FERMT2: variants seen among roughly 807,000 people sequenced by gnomAD.
FERMT2 encodes the protein fermitin family homolog 2.
Under a neutral mutation model 82.7 loss-of-function variants are expected in FERMT2, and 15 were observed. The observed-to-expected ratio is 0.18, with a 90% CI of 0.12 to 0.28. FERMT2 has a LOEUF of 0.28. Among genes scored for constraint, FERMT2 ranks in the 10% least tolerant of loss-of-function variants. The pLI is 1.00. For synonymous variants in FERMT2, 274 were observed against 271.5 expected (o/e 1.01, Z -0.09); for missense variants, 645 against 809.4 (o/e 0.80, Z 2.46).
intron 3 of FERMT2, among the ~76,000 whole-genome samples, chr14:52,902,291 G>A (rs1202863241): frequency 6.6e-6 from 1 of 152,046 alleles, no homozygotes; most frequent in African/African-American, 2.4e-5. Flanking sequence ...TACTCAGGAG[G>A]CTGAGGCAGG....
At chr14:52,860,508 T>C in intron 12 of FERMT2, 43 bp from the exon 13 acceptor site, 1 of 1,561,828 alleles carries the variant, frequency 6.4e-7, no homozygotes, top group South Asian at 1.2e-5. Flanking sequence ...AACATTATTC[T>C]CTCATGGGAG....
At chr14:52,923,889 G>C (rs1015516431) in intron 2 of FERMT2, among the ~76,000 whole-genome samples, 1 of 152,132 alleles carries the variant, frequency 6.6e-6, no homozygotes, top group Non-Finnish European at 1.5e-5. Flanking sequence ...CAGAAAAGTA[G>C]GTGTTCTGAC....
At chr14:52,890,608 CTT>C (rs78933730) in intron 4 of FERMT2, among the ~76,000 whole-genome samples, 8 of 140,454 alleles carry the variant, frequency 5.7e-5, no homozygotes, top group Admixed American at 4.3e-4. Flanking sequence ...CTTTTATCCT[CTT>C]TTTTTTTTTT....
At chr14:52,869,592 C>T (rs1262139661) in intron 10 of FERMT2, among the ~76,000 whole-genome samples, 1 of 152,138 alleles carries the variant, frequency 6.6e-6, no homozygotes, top group Non-Finnish European at 1.5e-5. Flanking sequence ...ACCTATTCTG[C>T]TGCCAGTAAT....
chr14:52,858,511 T>G lies in FERMT2; in HGVS notation c.1909A>C (p.Ile637Leu). 1 of 1,614,160 alleles carries G rather than the reference T, an allele frequency of 6.2e-7. No individual in the cohort carries two copies. The highest frequency in any genetic ancestry group is 8.5e-7 in the Non-Finnish European group (1 of 1,180,006). The change falls in exon 15 of 15, where the codon ATT becomes CTT. Residue 637 changes from isoleucine (I) to leucine (L), a missense_variant. Physicochemically the swap from Ile to Leu is conservative, Grantham distance 5. Transcript: ENST00000341590. ...EFADEVRLSF[I>L]CTEVDCKVVH... Reference sequence around the variant, plus strand: ...ACTTTGCAATCTACTTCAGTACAAATGAAGGACAATCGTACTTCATCTGCA... The same window carrying G: ...ACTTTGCAATCTACTTCAGTACAAAGGAAGGACAATCGTACTTCATCTGCA...
chr14:52,949,821 C>T (rs1293710133), intron 2 of FERMT2, among the ~76,000 whole-genome samples: 1 of 152,224 alleles, frequency 6.6e-6, no homozygotes, highest in Non-Finnish European at 1.5e-5. Flanking sequence ...AAACGGCTTA[C>T]ATCGAGCATG....
rs1360742544 is a variant in FERMT2 at position 52,906,613 on chromosome 14, T to C, written c.391+12510A>G. ...GTAATAGCTATATAAAAATACTCCA[T>C]ATGTTTAAGAAACTAGAGGAAAACA... On this transcript the variant is annotated intron_variant, in intron 3 of 14. Transcript: ENST00000341590. Among the ~76,000 whole-genome samples the C allele has an allele frequency of 3.3e-5, 5 of 152,036 alleles. No individual in the cohort carries two copies. In the South Asian group the frequency reaches 8.3e-4, roughly 25 times the overall value.
Position 52,864,468 on chromosome 14 carries a change from A to T in FERMT2, c.1535T>A (p.Ile512Asn). Residue 512 changes from isoleucine to asparagine, a missense_variant, in exon 12 of 15, where the codon ATC (isoleucine) becomes AAC (asparagine). By Grantham distance (149) the Ile-to-Asn change is moderately radical. Transcript: ENST00000341590. ...ACATTCAGGAGTTATATCAGTCGTG[A>T]TCTGCTCTGGTATTAACTGAGGATC... ...NPDPQLIPEQ[I>N]TTDITPECLV... The T allele has an allele frequency of 6.2e-7, 1 of 1,614,172 alleles. No individual in the cohort carries two copies. Among genetic ancestry groups the T allele is most frequent in the Non-Finnish European group, 8.5e-7 (1 of 1,179,984 alleles).
At chr14:52,920,033 A>G (rs1482191513) in intron 2 of FERMT2, among the ~76,000 whole-genome samples, 3 of 152,252 alleles carry the variant, frequency 2.0e-5, no homozygotes, top group African/African-American at 7.2e-5. Context: ...CAAGTATAAC[A>G]GGAAACATTA....
rs1049383684 is a variant in FERMT2 at position 52,857,750 on chromosome 14, T to C, written c.*627A>G. 2 of 152,658 alleles carry C rather than the reference T, an allele frequency of 1.3e-5. No individual in the cohort carries two copies. Among genetic ancestry groups the C allele is most frequent in the African/African-American group, 4.8e-5 (2 of 41,444 alleles). The allele number at this position is 152,658 out of a possible 1,614,324, so 9.5% of individuals were successfully genotyped here. On this transcript the variant is annotated 3_prime_UTR_variant, in exon 15 of 15. Coordinates refer to ENST00000341590, the MANE Select transcript of FERMT2 (RefSeq NM_006832.3). ...GGCAGACAGTGATTATGCTGGTGAA[T>C]ACTAAAAGTGTAATACAATATGGTG...
At position 52,893,169 on chromosome 14, in the gene FERMT2, G is replaced by A. The variant is rs112958255; in HGVS notation, c.526+124C>T. 1.1e-5 allele frequency: 9 copies of A among 843,794 alleles called. No homozygotes were observed. In the African/African-American group the frequency reaches 1.4e-4, roughly 13 times the overall value. 52.3% of individuals were successfully genotyped at this position (843,794 alleles called of 1,614,324 possible). A position where few individuals can be genotyped will look rare whatever the true frequency, so the allele number is the denominator to read the frequency against. ...GTGCCACCATGCCTGGCTAATTGAA[G>A]TTTTTGTTTTTTTAACTTGACCACT... On this transcript the variant is annotated intron_variant, in intron 4 of 14. Coordinates refer to ENST00000341590, the MANE Select transcript of FERMT2 (RefSeq NM_006832.3).
chr14:52,927,202 G>A lies in FERMT2; in HGVS notation c.158-7846C>T, dbSNP rs1311320488. Among the ~76,000 whole-genome samples, 3 of 152,102 alleles carry A rather than the reference G, an allele frequency of 2.0e-5. 1 individual carries two copies. The highest frequency in any genetic ancestry group is 4.1e-4 in the South Asian group (2 of 4,820). On this transcript the variant is annotated intron_variant, in intron 2 of 14. Transcript: ENST00000341590. ...TGGGTTTCTCATCATTAGAGGCTGA[G>A]TAAATATTGCTTAGTCTACCAAACA... is the stretch of plus-strand genomic sequence containing the variant.
Position 52,864,429 on chromosome 14 carries a change from C to T in FERMT2, c.1574G>A (p.Arg525His), listed in dbSNP as rs756401065. The T allele has an allele frequency of 9.5e-5, 154 of 1,613,350 alleles. No homozygotes were observed. Among genetic ancestry groups the T allele is most frequent in the Non-Finnish European group, 1.2e-4 (142 of 1,179,476 alleles). ...CTTGTTCTTATACTTTTTTAGATAG[C>T]GGGGAGACACCAAACATTCAGGAGT... ...DITPECLVSP[R>H]YLKKYKNKQI... is the part of the protein sequence containing the mutation. The change falls in exon 12 of 15, where the codon CGC (arginine) becomes CAC (histidine). Residue 525 changes from arginine to histidine, a missense_variant. Physicochemically the swap from Arg to His is conservative, Grantham distance 29. Transcript: ENST00000341590.
intron 2 of FERMT2, among the ~76,000 whole-genome samples, chr14:52,922,793 G>A (rs1319172953): frequency 1.3e-5 from 2 of 152,192 alleles, no homozygotes; most frequent in African/African-American, 4.8e-5. Flanking sequence ...AATGGCCCAA[G>A]GACCAAATCC....
chr14:52,928,769 T>A (rs1188331723), intron 2 of FERMT2, among the ~76,000 whole-genome samples: 1 of 152,168 alleles, frequency 6.6e-6, no homozygotes, highest in Non-Finnish European at 1.5e-5. Flanking sequence ...AGCCATCAGA[T>A]TCAAACTCTT....
intron 3 of FERMT2, 103 bp downstream of exon 3, chr14:52,919,020 A>AC (rs1594992808): frequency 2.8e-6 from 2 of 726,122 alleles, no homozygotes; most frequent in Non-Finnish European, 4.7e-6. Flanking sequence ...ATATATACAG[A>AC]TAGTTCAGCC....
chr14:52,869,282 C>A (rs1341295382), intron 10 of FERMT2, among the ~76,000 whole-genome samples: 2 of 152,096 alleles, frequency 1.3e-5, no homozygotes, highest in Admixed American at 6.6e-5. Context: ...GTGGGAATAG[C>A]AATTGTTTAC....
chr14:52,906,667 T>C (rs915358768), intron 3 of FERMT2, among the ~76,000 whole-genome samples: 4 of 151,680 alleles, frequency 2.6e-5, no homozygotes, highest in African/African-American at 9.7e-5. Context: ...AAAATCTATA[T>C]AAAAATGAAG....
intron 3 of FERMT2, 58 bp downstream of exon 3, chr14:52,919,065 A>T (rs1032289041): frequency 2.0e-5 from 24 of 1,196,078 alleles, no homozygotes; most frequent in African/African-American, 3.0e-5. Context: ...TATGTCAGTC[A>T]TCGGTCATCT....
Sources: gnomAD v4.1 joint callset for allele counts (sites outside exome capture counted in the v4.1 genomes callset) on GRCh38, gnomAD v4.1.1 for gene constraint, MANE v1.5 for transcripts, NCBI Gene and HGNC (gene_info 2026-07-23, HGNC 2026-07-21) for gene names.